Variants in TSPAN14 observed in about 807,000 individuals in gnomAD.
TSPAN14 encodes tetraspanin-14.
TSPAN14 carries 16 observed loss-of-function variants against 36.6 expected under a neutral mutation model. That is an observed-to-expected ratio of 0.44 (90% CI 0.30 to 0.66). The LOEUF is 0.66. TSPAN14 is among the 30% of genes least tolerant of loss of function. The pLI, the probability that TSPAN14 is intolerant of heterozygous loss-of-function variation, is 0.12. For missense variants in TSPAN14, 231 were observed against 355.1 expected (o/e 0.65, Z 2.81); for synonymous variants, 139 against 143.8 (o/e 0.97, Z 0.24).
chr10:80,483,795 A>G (rs1323489846), intron 1 of TSPAN14, among the ~76,000 whole-genome samples: 3 of 151,682 alleles, frequency 2.0e-5, no homozygotes. Flanking sequence ...CTGTAATCTC[A>G]GCTACTCAGT....
chr10:80,500,656 C>G (rs1848458369), intron 2 of TSPAN14, among the ~76,000 whole-genome samples: 1 of 152,158 alleles, frequency 6.6e-6, no homozygotes, highest in South Asian at 2.1e-4. Flanking sequence ...TGGCCAAGTC[C>G]TTATTCTTAG....
In TSPAN14 at chr10:80,509,513, C is replaced by T; in HGVS notation, c.450+42C>T. On this transcript the variant is annotated intron_variant, in intron 5 of 8. Coordinates refer to ENST00000429989, the Ensembl canonical transcript of TSPAN14. This position sits in a 1 kb window ranked among gnomAD's most constrained non-coding sequence, Gnocchi z 4.7. ...CGGGCCCCCGATAGAGCATGCACCT[C>T]CCTGTGCTGCCTGGAGCTGAGTCTA... 6.3e-7 allele frequency: 1 copy of T among 1,594,094 alleles called. No individual in the cohort carries two copies. Among genetic ancestry groups the T allele is most frequent in the Non-Finnish European group, 8.6e-7 (1 of 1,168,390 alleles).
intron 2 of TSPAN14, among the ~76,000 whole-genome samples, chr10:80,492,400 A>G (rs1259424499): frequency 6.6e-6 from 1 of 152,184 alleles, no homozygotes; most frequent in African/African-American, 2.4e-5. Flanking sequence ...GCACGTGTTG[A>G]TGGTGGACAC....
chr10:80,466,151 C>CA (rs1485083724), intron 1 of TSPAN14, among the ~76,000 whole-genome samples: 2 of 152,190 alleles, frequency 1.3e-5, no homozygotes, highest in Non-Finnish European at 2.9e-5. Context: ...CTTACCCTTT[C>CA]AAAACCCATC....
chr10:80,493,466 C>T (rs1242749829), intron 2 of TSPAN14, among the ~76,000 whole-genome samples: 1 of 152,216 alleles, frequency 6.6e-6, no homozygotes, highest in Non-Finnish European at 1.5e-5. Context: ...TGTGCACATT[C>T]ATAGCAGCAT....
At chr10:80,481,152 T>G (rs1226813672) in intron 1 of TSPAN14, among the ~76,000 whole-genome samples, 1 of 152,056 alleles carries the variant, frequency 6.6e-6, no homozygotes, top group East Asian at 1.9e-4. Flanking sequence ...ACATACTGGA[T>G]GTGAAAAACT....
chr10:80,498,937 G>A (rs1848345459), intron 2 of TSPAN14, among the ~76,000 whole-genome samples: 1 of 152,212 alleles, frequency 6.6e-6, no homozygotes, highest in Admixed American at 6.5e-5. Flanking sequence ...AAGAGGCTCT[G>A]TGAATGTCAG....
At chr10:80,477,631 A>G (rs926836554) in intron 1 of TSPAN14, among the ~76,000 whole-genome samples, 3 of 152,210 alleles carry the variant, frequency 2.0e-5, no homozygotes, top group African/African-American at 7.2e-5. Flanking sequence ...TGAGTACAAG[A>G]ATAGTTTGAA....
chr10:80,512,575 C>T (rs1564746143), intron 6 of TSPAN14, among the ~76,000 whole-genome samples: 2 of 152,226 alleles, frequency 1.3e-5, no homozygotes, highest in Non-Finnish European at 2.9e-5. Flanking sequence ...ATAAGGCCCG[C>T]TTATCCCTCT....
chr10:80,497,262 A>T (rs1774619386), intron 2 of TSPAN14, among the ~76,000 whole-genome samples: 1 of 152,226 alleles, frequency 6.6e-6, no homozygotes, highest in African/African-American at 2.4e-5. Context: ...AGGGTATCCC[A>T]GGCTTTGTGT....
chr10:80,468,950 G>T (rs779281403), intron 1 of TSPAN14, among the ~76,000 whole-genome samples: 5 of 152,106 alleles, frequency 3.3e-5, no homozygotes, highest in Non-Finnish European at 7.4e-5. Context: ...TCATGGTTTT[G>T]CAGTCTTTAC....
chr10:80,484,018 C>T (rs1461299393), intron 1 of TSPAN14, among the ~76,000 whole-genome samples: 1 of 138,832 alleles, frequency 7.2e-6, no homozygotes, highest in Non-Finnish European at 1.5e-5. Flanking sequence ...CCAAGGTGGG[C>T]GGATTGCTTT....
intron 1 of TSPAN14, among the ~76,000 whole-genome samples, chr10:80,480,000 G>T (rs959910634): frequency 1.4e-5 from 2 of 140,530 alleles, no homozygotes; most frequent in African/African-American, 2.7e-5. Context: ...CCTTGAAGAG[G>T]TCCTTCACAT....
Position 80,511,764 on chromosome 10 carries a change from CTCTCTCT to C in TSPAN14, c.451-379_451-373del, listed in dbSNP as rs1564745296. ...TCTCTCTCTCTCTCTCTCTCTCTCTCTCTCTCTCCCCTTTTTTCTTTCTCTCCTTTTC... is the reference window on the plus strand; with the variant it reads ...TCTCTCTCTCTCTCTCTCTCTCTCTCCCCCTTTTTTCTTTCTCTCCTTTTC... On this transcript the variant is annotated intron_variant, in intron 5 of 8. Transcript: ENST00000429989. Among the ~76,000 whole-genome samples, 111 of 122,964 alleles carry C rather than the reference CTCTCTCT, an allele frequency of 9.0e-4. 2 individuals carry two copies. The highest frequency in any genetic ancestry group is 1.3e-3 in the African/African-American group (38 of 30,280). 80.7% of individuals were successfully genotyped at this position (122,964 alleles called of 152,430 possible).
At chr10:80,477,485 G>A (rs1052209359) in intron 1 of TSPAN14, among the ~76,000 whole-genome samples, 1 of 152,206 alleles carries the variant, frequency 6.6e-6, no homozygotes, top group Admixed American at 6.5e-5. Flanking sequence ...CATGAGGACA[G>A]GGAGAATGAG....
intron 1 of TSPAN14, among the ~76,000 whole-genome samples, chr10:80,479,918 C>T (rs1412912349): frequency 6.8e-6 from 1 of 147,826 alleles, no homozygotes; most frequent in Admixed American, 6.8e-5. Context: ...ATTCTTCCTA[C>T]CCATGAGCAT....
intron 5 of TSPAN14, 70 bp from the exon 6 acceptor site, chr10:80,512,074 T>TG: frequency 1.2e-6 from 2 of 1,604,960 alleles, no homozygotes; most frequent in Non-Finnish European, 1.7e-6. Context: ...TCACTATGAA[T>TG]GATGCCCTAT....
chr10:80,471,965 A>T (rs1242466293), intron 1 of TSPAN14, among the ~76,000 whole-genome samples: 1 of 152,156 alleles, frequency 6.6e-6, no homozygotes, highest in Admixed American at 6.6e-5. Context: ...TGGCTTAAGC[A>T]GGAGTTTGAG....
intron 1 of TSPAN14, among the ~76,000 whole-genome samples, chr10:80,459,740 G>GC (rs947895783): frequency 4.5e-4 from 68 of 152,292 alleles, no homozygotes; most frequent in African/African-American, 1.6e-3. Flanking sequence ...CAGGAGAGAG[G>GC]CCCCACAGCA....
Sources: gnomAD v4.1 joint callset for allele counts (sites outside exome capture counted in the v4.1 genomes callset) on GRCh38, gnomAD v4.1.1 for gene constraint, Gnocchi (gnomAD v3.1) non-coding constraint, MANE v1.5 for transcripts, NCBI Gene and HGNC (gene_info 2026-07-23, HGNC 2026-07-21) for gene names.